ADARB2: variants seen among roughly 807,000 people sequenced by gnomAD.
The protein encoded by ADARB2 is inactive double-stranded RNA-specific editase B2.
ADARB2 carries 25 observed loss-of-function variants against 62.2 expected under a neutral mutation model. That is an observed-to-expected ratio of 0.40 (90% CI 0.29 to 0.56). The LOEUF is 0.56. Among genes scored for constraint, ADARB2 ranks in the 20% least tolerant of loss-of-function variants. The pLI, the probability that ADARB2 is intolerant of heterozygous loss-of-function variation, is 0.43. For missense variants in ADARB2, 1,071 were observed against 1,077.4 expected, an observed-to-expected ratio of 0.99 and a Z score of 0.08; for synonymous variants, 572 against 500.8, an observed-to-expected ratio of 1.14 and a Z score of -1.90.
chr10:1,243,217 T>G (rs956226555), intron 4 of ADARB2, among the ~76,000 whole-genome samples: 38 of 152,222 alleles, frequency 2.5e-4, no homozygotes, highest in Non-Finnish European at 1.3e-4. Context: ...CCCAGGAGCC[T>G]TGGGATGTGA....
chr10:1,426,002 G>A lies in ADARB2; in HGVS notation c.101-46842C>T, dbSNP rs751202789. Among the ~76,000 whole-genome samples the A allele has an allele frequency of 6.6e-5, 10 of 152,164 alleles. No homozygotes were observed. The highest frequency in any genetic ancestry group is 1.2e-4 in the Non-Finnish European group (8 of 68,026). ...ACAGAGGCATGTTACTCAAAAATGC[G>A]GAAACAGGTTCTTTCAGGAGGTTAG... On this transcript the variant is annotated intron_variant, in intron 1 of 9. Coordinates refer to ENST00000381312, the MANE Select transcript of ADARB2 (RefSeq NM_018702.4). This position sits in a 1 kb window ranked among gnomAD's most constrained non-coding sequence, Gnocchi z 4.1.
intron 1 of ADARB2, among the ~76,000 whole-genome samples, chr10:1,609,159 C>T (rs865871902): frequency 5.3e-5 from 8 of 152,240 alleles, no homozygotes; most frequent in African/African-American, 9.6e-5. Context: ...AGACGCTTTT[C>T]GGATTCGCTC....
At chr10:1,277,659 G>A (rs528799469) in intron 3 of ADARB2, among the ~76,000 whole-genome samples, 3 of 152,226 alleles carry the variant, frequency 2.0e-5, no homozygotes, top group South Asian at 2.1e-4. Context: ...ATTCACAGCC[G>A]AATTCTACCA....
At chr10:1,586,439 CA>C (rs770192584) in intron 1 of ADARB2, among the ~76,000 whole-genome samples, 1 of 152,214 alleles carries the variant, frequency 6.6e-6, no homozygotes, top group Non-Finnish European at 1.5e-5. Context: ...CCCACATTTT[CA>C]GATGCATTTG....
chr10:1,633,571 T>TCTAC (rs1833874890), intron 1 of ADARB2, among the ~76,000 whole-genome samples: 1 of 146,630 alleles, frequency 6.8e-6, no homozygotes, highest in African/African-American at 2.7e-5. Context: ...TATCTATCTA[T>TCTAC]CTATCTATCT....
chr10:1,328,067 GCCTTACAGTAAC>G (rs1220211499), intron 3 of ADARB2, among the ~76,000 whole-genome samples: 6 of 97,512 alleles, frequency 6.2e-5, no homozygotes, highest in Non-Finnish European at 9.4e-5. Context: ...ATGCGAGGAA[GCCTTACAGTAAC>G]CCAGTCGGGA....
At chr10:1,696,598 C>G (rs2119134691) in intron 1 of ADARB2, among the ~76,000 whole-genome samples, 1 of 152,318 alleles carries the variant, frequency 6.6e-6, no homozygotes, top group Middle Eastern at 3.4e-3. Flanking sequence ...GGCCTGGCAG[C>G]TGCATCCTGT....
intron 8 of ADARB2, among the ~76,000 whole-genome samples, chr10:1,189,148 T>C (rs1257133662): frequency 6.6e-6 from 1 of 152,154 alleles, no homozygotes; most frequent in African/African-American, 2.4e-5. Context: ...GGACATCAGG[T>C]CACTCCAGGC....
At chr10:1,638,042 T>C (rs1244511077) in intron 1 of ADARB2, among the ~76,000 whole-genome samples, 1 of 152,182 alleles carries the variant, frequency 6.6e-6, no homozygotes, top group Non-Finnish European at 1.5e-5. Context: ...GAGGAGATGC[T>C]CCAGGCTGTT....
intron 7 of ADARB2, 49 bp from the exon 8 acceptor site, chr10:1,200,196 AGCCTGGTCCTCTCTGTCCGTCTGCG>A (rs1382497437): frequency 6.5e-6 from 10 of 1,547,088 alleles, no homozygotes; most frequent in Non-Finnish European, 7.9e-6. Flanking sequence ...GAGCCCAGGG[AGCCTGGTCCTCTCTGTCCGTCTGCG>A]GCCTGGTCCT....
At chr10:1,594,647 T>A (rs2132010483) in intron 1 of ADARB2, among the ~76,000 whole-genome samples, 1 of 152,254 alleles carries the variant, frequency 6.6e-6, no homozygotes, top group Non-Finnish European at 1.5e-5. Context: ...AAACGCCCAC[T>A]CCTCGTTTTC....
rs550852034 is a variant in ADARB2 at position 1,634,061 on chromosome 10, C to T, written c.100+102990G>A. Among the ~76,000 whole-genome samples the T allele has an allele frequency of 3.7e-4, 57 of 152,306 alleles. 4 individuals are homozygous for T. The South Asian group carries it at 8.7e-3, about 23-fold the overall frequency. On this transcript the variant is annotated intron_variant, in intron 1 of 9. Transcript: ENST00000381312. Reference sequence around the variant, plus strand: ...ATTTCTGCTGCCGGCTGTGCTGTGGCTCCTGGGGCCCCTCTCCCACCCTCG... The same window carrying T: ...ATTTCTGCTGCCGGCTGTGCTGTGGTTCCTGGGGCCCCTCTCCCACCCTCG...
At chr10:1,275,813 A>G (rs567676427) in intron 3 of ADARB2, among the ~76,000 whole-genome samples, 35 of 152,056 alleles carry the variant, frequency 2.3e-4, no homozygotes, top group Non-Finnish European at 4.4e-4. Context: ...AGCTTCAACC[A>G]TGTCCCTACA....
chr10:1,321,969 G>C (rs1018780660), intron 3 of ADARB2, among the ~76,000 whole-genome samples: 1 of 152,016 alleles, frequency 6.6e-6, no homozygotes, highest in African/African-American at 2.4e-5. Flanking sequence ...TTCTCGGTGA[G>C]GGATGAGAGC....
chr10:1,379,233 T>C lies in ADARB2; in HGVS notation c.101-73A>G. On this transcript the variant is annotated intron_variant, in intron 1 of 9. Coordinates refer to ENST00000381312, the MANE Select transcript of ADARB2 (RefSeq NM_018702.4). Reference sequence around the variant, plus strand: ...AAAACTCAATGCTTTTATAAGTTCTTATTACTGAATGTTGGACAAGGGAGG... The same window carrying C: ...AAAACTCAATGCTTTTATAAGTTCTCATTACTGAATGTTGGACAAGGGAGG... 13 of 1,257,866 alleles carry C rather than the reference T, an allele frequency of 1.0e-5. No individual in the cohort carries two copies. In the South Asian group the frequency reaches 1.5e-4, roughly 14 times the overall value. The allele number at this position is 1,257,866 out of a possible 1,614,324, so 77.9% of individuals were successfully genotyped here.
intron 1 of ADARB2, among the ~76,000 whole-genome samples, chr10:1,540,208 C>T (rs563877286): frequency 7.3e-5 from 11 of 151,620 alleles, no homozygotes; most frequent in Non-Finnish European, 2.9e-5. Context: ...TGTTTTGGTC[C>T]CTAAAGGGCA....
chr10:1,585,067 G>C (rs1424807607), intron 1 of ADARB2, among the ~76,000 whole-genome samples: 1 of 152,090 alleles, frequency 6.6e-6, no homozygotes, highest in Admixed American at 6.5e-5. Context: ...CCCACAGAAT[G>C]TACAATACAT....
chr10:1,581,529 G>A (rs1422727032), intron 1 of ADARB2, among the ~76,000 whole-genome samples: 2 of 152,222 alleles, frequency 1.3e-5, no homozygotes, highest in East Asian at 1.9e-4. Context: ...ACCAGGTAAT[G>A]AGCCTGTACG....
At chr10:1,231,559 C>A (rs1830804196) in intron 6 of ADARB2, among the ~76,000 whole-genome samples, 1 of 152,118 alleles carries the variant, frequency 6.6e-6, no homozygotes, top group African/African-American at 2.4e-5. Context: ...GGGCTGTGTC[C>A]ACTTCTCAGG....
Sources: allele counts gnomAD v4.1 joint callset (sites outside exome capture counted in the v4.1 genomes callset), GRCh38; gene constraint gnomAD v4.1.1; non-coding constraint Gnocchi (gnomAD v3.1); transcripts MANE v1.5; gene names NCBI Gene and HGNC (gene_info 2026-07-23, HGNC 2026-07-21).